FBLN5: variants seen among roughly 807,000 people sequenced by gnomAD.
The protein encoded by FBLN5 is fibulin 5, also known as fibulin-5.
FBLN5 carries 24 observed loss-of-function variants against 61.6 expected under a neutral mutation model. The ratio of observed to expected loss-of-function variants is 0.39; its 90% confidence interval spans 0.28 to 0.55. FBLN5 has a LOEUF of 0.55. Ranked by LOEUF, FBLN5 falls within the 20% of genes least tolerant of loss-of-function variation. FBLN5 has a pLI of 0.65. For missense variants in FBLN5, 470 were observed against 594.1 expected, an observed-to-expected ratio of 0.79 and a Z score of 2.17; for synonymous variants, 213 against 219.8, an observed-to-expected ratio of 0.97 and a Z score of 0.27.
At chr14:91,935,493 A>G (rs879822932) in intron 4 of FBLN5, among the ~76,000 whole-genome samples, 12 of 152,192 alleles carry the variant, frequency 7.9e-5, no homozygotes, top group Admixed American at 7.8e-4. Context: ...GACATCCTGG[A>G]AGAGCAGCAC....
chr14:91,877,675 T>G lies in FBLN5; in HGVS notation c.997A>C (p.Met333Leu). 1 of 1,613,890 alleles carries G rather than the reference T, an allele frequency of 6.2e-7. No homozygotes were observed. ...CAGCCAGGGTTCTCAGCAGGACACATACAGCGGCTGTGGAAAGGGAAATCA... is the reference window on the plus strand; with the variant it reads ...CAGCCAGGGTTCTCAGCAGGACACAGACAGCGGCTGTGGAAAGGGAAATCA... ...PYLRISDNRCMCPAENPGCRD... is the reference protein window; with the variant it reads ...PYLRISDNRCLCPAENPGCRD... Residue 333 changes from methionine to leucine, a missense_variant, in exon 10 of 11, where the codon ATG becomes CTG. By Grantham distance (15) the Met-to-Leu change is conservative. Transcript: ENST00000342058.
intron 4 of FBLN5, among the ~76,000 whole-genome samples, chr14:91,933,266 T>C (rs948894712): frequency 2.0e-5 from 3 of 152,116 alleles, no homozygotes; most frequent in Non-Finnish European, 2.9e-5. Context: ...TTTTGGAAGT[T>C]TTTTTATTTT....
chr14:91,914,553 G>A (rs1266739222), intron 4 of FBLN5, among the ~76,000 whole-genome samples: 1 of 149,194 alleles, frequency 6.7e-6, no homozygotes, highest in African/African-American at 2.5e-5. Context: ...CCAGATACTT[G>A]AGGCCCAGGA....
chr14:91,885,045 C>T (rs143996361), intron 7 of FBLN5, among the ~76,000 whole-genome samples: 116 of 152,272 alleles, frequency 7.6e-4, no homozygotes, highest in East Asian at 3.9e-3. Flanking sequence ...TGGGGCTACA[C>T]GGAGAGGCCA....
rs56170047 is a variant in FBLN5 at position 91,882,215 on chromosome 14, T to A, written c.862+739A>T. The stretch of plus-strand genomic sequence containing the variant: ...ATAGTAGTAAAAGTAATTTTACCCA[T>A]TTTTTTCCTCTTTTAATGTGGCTAA... On this transcript the variant is annotated intron_variant, in intron 8 of 10. Coordinates refer to ENST00000342058, the MANE Select transcript of FBLN5 (RefSeq NM_006329.4). The surrounding 1 kb of genome is among the most constrained non-coding windows in gnomAD (Gnocchi z 4.9). 0.013 allele frequency among the ~76,000 whole-genome samples: 1,945 copies of A among 152,266 alleles called. 54 individuals carry two copies. Among genetic ancestry groups the A allele is most frequent in the African/African-American group, 0.045 (1,862 of 41,544 alleles).
intron 7 of FBLN5, among the ~76,000 whole-genome samples, chr14:91,883,657 C>CAAAAA (rs58378742): frequency 1.3e-4 from 17 of 129,332 alleles, no homozygotes; most frequent in African/African-American, 3.7e-4. Flanking sequence ...AAAAAAAAAA[C>CAAAAA]AAAAAAAACA....
At chr14:91,913,064 C>A (rs1056806534) in intron 4 of FBLN5, among the ~76,000 whole-genome samples, 1 of 152,128 alleles carries the variant, frequency 6.6e-6, no homozygotes, top group African/African-American at 2.4e-5. Context: ...TGTCTTCAAA[C>A]GCCCTTTTAC....
chr14:91,919,348 AAAG>A (rs747074456), intron 4 of FBLN5, among the ~76,000 whole-genome samples: 25 of 81,442 alleles, frequency 3.1e-4, no homozygotes, highest in Non-Finnish European at 5.0e-4. Flanking sequence ...AGAAAAAAAA[AAAG>A]AAAAGAAAAG....
chr14:91,935,781 A>G (rs1487381552), intron 4 of FBLN5, among the ~76,000 whole-genome samples: 1 of 152,182 alleles, frequency 6.6e-6, no homozygotes, highest in Non-Finnish European at 1.5e-5. Flanking sequence ...CATCTTCTCC[A>G]CCAAAGTTGG....
intron 1 of FBLN5, chr14:91,946,830 G>C: frequency 1.3e-6 from 2 of 1,528,690 alleles, no homozygotes; most frequent in Non-Finnish European, 1.7e-6. Flanking sequence ...TTGTCTATCA[G>C]CCGATGCGGC....
chr14:91,945,300 A>C (rs2056167561), intron 1 of FBLN5, among the ~76,000 whole-genome samples: 1 of 152,106 alleles, frequency 6.6e-6, no homozygotes, highest in Non-Finnish European at 1.5e-5. Flanking sequence ...GTTCAACAGC[A>C]GTTTATCCAA....
In FBLN5 at chr14:91,939,357, TGAGACAGAG is replaced by T. The variant is rs2056070720; in HGVS notation, c.124+1199_124+1207del. 5.2e-5 allele frequency among the ~76,000 whole-genome samples: 6 copies of T among 114,868 alleles called. No homozygotes were observed. In the South Asian group the frequency reaches 1.6e-3, roughly 31 times the overall value. The allele number at this position is 114,868 out of a possible 152,430, so 75.4% of individuals were successfully genotyped here. A position where few individuals can be genotyped will look rare whatever the true frequency, so the allele number is the denominator to read the frequency against. On this transcript the variant is annotated intron_variant, in intron 3 of 10. Transcript: ENST00000342058. ...CATTAATTTTTTTTTTTTTTTTTTT[TGAGACAGAG>T]TCTCTCTCTGTTGCCCAGGCTGGAG...
intron 4 of FBLN5, among the ~76,000 whole-genome samples, chr14:91,901,167 C>A (rs1027465176): frequency 6.6e-6 from 1 of 152,202 alleles, no homozygotes; most frequent in Non-Finnish European, 1.5e-5. Context: ...GTATGATCAA[C>A]CTTTTCACAA....
At chr14:91,914,490 AAAAAAAAAAAAC>A (rs1891099671) in intron 4 of FBLN5, among the ~76,000 whole-genome samples, 2 of 150,032 alleles carry the variant, frequency 1.3e-5, no homozygotes, top group Non-Finnish European at 3.0e-5. Context: ...AAAAAAAAAA[AAAAAAAAAAAAC>A]AACAAATATT....
At chr14:91,873,984 G>A (rs984656155) in intron 10 of FBLN5, 1 of 152,478 alleles carries the variant, frequency 6.6e-6, no homozygotes, top group African/African-American at 2.4e-5. Context: ...CAAGCCACCT[G>A]GCCAAAGCCA....
chr14:91,917,445 G>A (rs188427413), intron 4 of FBLN5, among the ~76,000 whole-genome samples: 206 of 151,958 alleles, frequency 1.4e-3, no homozygotes, highest in Middle Eastern at 0.01. Flanking sequence ...GCATGGTGGC[G>A]TGCAACTGTA....
intron 4 of FBLN5, among the ~76,000 whole-genome samples, chr14:91,919,954 G>T (rs1303721048): frequency 6.6e-6 from 1 of 152,174 alleles, no homozygotes; most frequent in African/African-American, 2.4e-5. Flanking sequence ...CACCTCCCAA[G>T]CTTCCAGAGG....
chr14:91,880,902 C>A (rs1030393153), intron 9 of FBLN5, among the ~76,000 whole-genome samples: 3 of 152,008 alleles, frequency 2.0e-5, no homozygotes, highest in African/African-American at 7.3e-5. Flanking sequence ...AAAAATAGTT[C>A]TTTCTTGTAT....
At chr14:91,890,710 C>G (rs1023944445) in intron 6 of FBLN5, among the ~76,000 whole-genome samples, 1 of 152,202 alleles carries the variant, frequency 6.6e-6, no homozygotes, top group Non-Finnish European at 1.5e-5. Flanking sequence ...CACCACCAGA[C>G]CCTTTGCTGA....
Sources: gnomAD v4.1 joint callset for allele counts (sites outside exome capture counted in the v4.1 genomes callset) on GRCh38, gnomAD v4.1.1 for gene constraint, Gnocchi (gnomAD v3.1) non-coding constraint, MANE v1.5 for transcripts, NCBI Gene and HGNC (gene_info 2026-07-23, HGNC 2026-07-21) for gene names.